UBE2K: variants seen among roughly 807,000 people sequenced by gnomAD.
UBE2K encodes the protein ubiquitin conjugating enzyme E2 K.
In UBE2K, 6 loss-of-function variants were observed where a neutral mutation model predicts 30.0. That is an observed-to-expected ratio of 0.20 (90% CI 0.11 to 0.39). The LOEUF is 0.39. Ranked by LOEUF, UBE2K falls within the 10% of genes least tolerant of loss-of-function variation. The pLI is 1.00. For synonymous variants in UBE2K, 86 were observed against 83.7 expected (o/e 1.03, Z -0.15); for missense variants, 61 against 241.6 (o/e 0.25, Z 4.96).
chr4:39,750,503 T>C (rs1721200841), intron 3 of UBE2K, among the ~76,000 whole-genome samples: 1 of 152,182 alleles, frequency 6.6e-6, no homozygotes, highest in Non-Finnish European at 1.5e-5. Context: ...TAGTGAGTGT[T>C]CTGAAGTTCC....
intron 4 of UBE2K, among the ~76,000 whole-genome samples, chr4:39,759,322 G>A (rs1410519693): frequency 6.6e-6 from 1 of 152,032 alleles, no homozygotes; most frequent in African/African-American, 2.4e-5. Flanking sequence ...TGTCACCCAG[G>A]CTGGAGTGCA....
At chr4:39,704,585 G>A (rs1161442608) in intron 1 of UBE2K, among the ~76,000 whole-genome samples, 10 of 151,984 alleles carry the variant, frequency 6.6e-5, no homozygotes. Flanking sequence ...TGTCACCAAA[G>A]CTAGAATGCA....
intron 1 of UBE2K, among the ~76,000 whole-genome samples, chr4:39,732,672 C>CTTTTTTTTTTT (rs10650873): frequency 8.7e-6 from 1 of 115,102 alleles, no homozygotes; most frequent in African/African-American, 3.5e-5. Flanking sequence ...CTTCTTCCCT[C>CTTTTTTTTTTT]TTTTTTTTTT....
At position 39,780,160 on chromosome 4, in the gene UBE2K, G is replaced by A. The variant is rs1337195867; in HGVS notation, c.*1726G>A. 2 of 151,872 alleles carry A rather than the reference G, an allele frequency of 1.3e-5. No homozygotes were observed. Among genetic ancestry groups the A allele is most frequent in the Admixed American group, 1.3e-4 (2 of 15,246 alleles). 9.4% of individuals were successfully genotyped at this position (151,872 alleles called of 1,614,324 possible). On this transcript the variant is annotated 3_prime_UTR_variant, in exon 7 of 7. Coordinates refer to ENST00000261427, the MANE Select transcript of UBE2K (RefSeq NM_005339.5). ...CTTTATACAATCACCTCTTTTTATT[G>A]CTGTAGTTTATTTTCTAAAGATGCC...
At chr4:39,740,753 C>A (rs1560360304) in intron 2 of UBE2K, among the ~76,000 whole-genome samples, 1 of 147,856 alleles carries the variant, frequency 6.8e-6, no homozygotes, top group African/African-American at 2.5e-5. Context: ...GTCCCAGCTA[C>A]TTGGGAGGCT....
chr4:39,770,722 C>CA, intron 4 of UBE2K: 1 of 1,575,884 alleles, frequency 6.3e-7, no homozygotes, highest in Non-Finnish European at 8.6e-7. Context: ...CCAAGGTGGC[C>CA]ACCCACGGAG....
In UBE2K at chr4:39,780,329, T is replaced by C. The variant is rs1205547367; in HGVS notation, c.*1895T>C. The C allele has an allele frequency of 6.6e-6, 1 of 152,174 alleles. No individual in the cohort carries two copies. The highest frequency in any genetic ancestry group is 1.5e-5 in the Non-Finnish European group (1 of 67,992). 9.4% of individuals were successfully genotyped at this position (152,174 alleles called of 1,614,324 possible). A position where few individuals can be genotyped will look rare whatever the true frequency, so the allele number is the denominator to read the frequency against. ...CTACTTTTTTTAAGTGGAGGGCAAC[T>C]TGGTAGTATTAGTAGAATTTGGGTT... On this transcript the variant is annotated 3_prime_UTR_variant, in exon 7 of 7. Coordinates refer to ENST00000261427, the MANE Select transcript of UBE2K (RefSeq NM_005339.5).
chr4:39,770,229 C>T, intron 4 of UBE2K: 1 of 1,611,848 alleles, frequency 6.2e-7, no homozygotes, highest in Non-Finnish European at 8.5e-7. Context: ...GGGCTGCGCT[C>T]CCGAGTGCAG....
rs1449793113 is a variant in UBE2K, at chr4:39,698,531, C to T, written c.63+141C>T. ...TGCCTGTGAGGAAGCAGCAGTGTTC[C>T]CCTCCTCCTTCCGCCGCCTTCCCCT... On this transcript the variant is annotated intron_variant, in intron 1 of 6. Transcript: ENST00000261427. 1.1e-5 allele frequency: 8 copies of T among 749,208 alleles called. No individual in the cohort carries two copies. The Admixed American group carries it at 1.3e-4, about 12-fold the overall frequency. The allele number at this position is 749,208 out of a possible 1,614,324, so 46.4% of individuals were successfully genotyped here.
chr4:39,740,175 AT>A (rs895505560), intron 2 of UBE2K, among the ~76,000 whole-genome samples: 62 of 151,164 alleles, frequency 4.1e-4, no homozygotes, highest in African/African-American at 1.3e-3. Context: ...TTATTCTTGA[AT>A]TTTTTTTTAG....
chr4:39,701,909 C>T (rs764370872), intron 1 of UBE2K, among the ~76,000 whole-genome samples: 3 of 151,654 alleles, frequency 2.0e-5, no homozygotes, highest in Non-Finnish European at 2.9e-5. Flanking sequence ...TACAGGTGCC[C>T]GCCACCACGC....
intron 3 of UBE2K, among the ~76,000 whole-genome samples, chr4:39,753,966 G>A (rs1391060967): frequency 1.3e-5 from 2 of 152,066 alleles, no homozygotes; most frequent in African/African-American, 2.4e-5. Flanking sequence ...CCATGTTGGC[G>A]CTCCAAGATC....
chr4:39,758,462 G>A (rs1418610850), intron 4 of UBE2K, among the ~76,000 whole-genome samples: 1 of 152,198 alleles, frequency 6.6e-6, no homozygotes, highest in Non-Finnish European at 1.5e-5. Context: ...CAGATCGCTT[G>A]AGGTCAGAAG....
At chr4:39,714,741 G>A (rs552794398) in intron 1 of UBE2K, among the ~76,000 whole-genome samples, 36 of 149,646 alleles carry the variant, frequency 2.4e-4, no homozygotes, top group Non-Finnish European at 4.1e-4. Flanking sequence ...TAGTAGAGAC[G>A]GGTTTTACCA....
intron 4 of UBE2K, among the ~76,000 whole-genome samples, chr4:39,766,208 C>T (rs182896694): frequency 6.6e-6 from 1 of 151,518 alleles, no homozygotes; most frequent in Admixed American, 6.6e-5. Context: ...TTTTGAGGGA[C>T]TGCCATACTG....
At chr4:39,701,832 C>T (rs1479825341) in intron 1 of UBE2K, among the ~76,000 whole-genome samples, 1 of 151,732 alleles carries the variant, frequency 6.6e-6, no homozygotes, top group East Asian at 1.9e-4. Context: ...GCGATCTCAG[C>T]TCACCACAAC....
intron 3 of UBE2K, among the ~76,000 whole-genome samples, chr4:39,747,465 T>C (rs545263884): frequency 4.4e-4 from 67 of 152,348 alleles, no homozygotes; most frequent in African/African-American, 1.6e-3. Flanking sequence ...GTGTCTGGCT[T>C]ATATCACCTA....
In UBE2K at chr4:39,714,517, C is replaced by CATCTATATATATATATAT. The variant is rs1553874880; in HGVS notation, c.63+16129_63+16130insCTATATATATATATATAT. 61 of 41,634 alleles carry CATCTATATATATATATAT rather than the reference C, an allele frequency of 1.5e-3. 9 individuals carry two copies. Among genetic ancestry groups the CATCTATATATATATATAT allele is most frequent in the African/African-American group, 5.6e-3 (42 of 7,528 alleles). The allele number at this position is 41,634 out of a possible 1,614,324, so 2.6% of individuals were successfully genotyped here. ...TGTCCTCCTTGTCTTTTAGAAGTTT[C>CATCTATATATATATATAT]ATATATATATATATATATATATATA... On this transcript the variant is annotated intron_variant, in intron 1 of 6. Coordinates refer to ENST00000261427, the MANE Select transcript of UBE2K (RefSeq NM_005339.5).
At chr4:39,739,911 A>T (rs4377601) in intron 2 of UBE2K, among the ~76,000 whole-genome samples, 2,858 of 152,188 alleles carry the variant, frequency 0.019, 100 homozygotes, top group African/African-American at 0.065. Flanking sequence ...TTAAGTGATA[A>T]AATTTTATTT....
Sources: allele counts gnomAD v4.1 joint callset (sites outside exome capture counted in the v4.1 genomes callset), GRCh38; gene constraint gnomAD v4.1.1; transcripts MANE v1.5; gene names NCBI Gene and HGNC (gene_info 2026-07-23, HGNC 2026-07-21).